Variants in IL1RAPL1 observed in about 807,000 individuals in gnomAD.
IL1RAPL1 encodes the protein interleukin 1 receptor accessory protein like 1, also known as interleukin-1 receptor accessory protein-like 1.
Under a neutral mutation model 48.4 loss-of-function variants are expected in IL1RAPL1, and 3 were observed. That is an observed-to-expected ratio of 0.06 (90% CI 0.03 to 0.16). The LOEUF is 0.16. Among genes scored for constraint, IL1RAPL1 ranks in the 10% least tolerant of loss-of-function variants. IL1RAPL1 has a pLI of 1.00. For missense variants in IL1RAPL1, 349 were observed against 530.6 expected, an observed-to-expected ratio of 0.66 and a Z score of 3.36; for synonymous variants, 185 against 187.7, an observed-to-expected ratio of 0.99 and a Z score of 0.12.
intron 6 of IL1RAPL1, among the ~76,000 whole-genome samples, chrX:29,781,961 T>C (rs911179386): frequency 9.0e-6 from 1 of 111,614 alleles, no homozygotes; most frequent in Admixed American, 9.5e-5. Flanking sequence ...CTGGCACCTA[T>C]TGGCATTCAG....
chrX:29,700,803 A>C (rs1447686438), intron 6 of IL1RAPL1, among the ~76,000 whole-genome samples: 3 of 112,076 alleles, frequency 2.7e-5, no homozygotes, highest in African/African-American at 9.7e-5. Context: ...TTACCATTTA[A>C]AAACTGTCCA....
chrX:29,343,039 G>T (rs146954118), intron 3 of IL1RAPL1, among the ~76,000 whole-genome samples: 4 of 112,122 alleles, frequency 3.6e-5, no homozygotes, highest in Admixed American at 9.5e-5. Context: ...TCTCATCAGT[G>T]CCTAGTGGAG....
intron 2 of IL1RAPL1, among the ~76,000 whole-genome samples, chrX:28,819,967 G>GAGATAT (rs1234558581): frequency 3.7e-5 from 1 of 26,735 alleles, no homozygotes; most frequent in African/African-American, 8.4e-5. Flanking sequence ...TAAACATAGT[G>GAGATAT]ATATATATAT....
At chrX:29,076,802 G>GTCTATCTA (rs59044267) in intron 2 of IL1RAPL1, among the ~76,000 whole-genome samples, 117 of 97,268 alleles carry the variant, frequency 1.2e-3, no homozygotes, top group African/African-American at 2.7e-3. Context: ...CTGTCTGTCT[G>GTCTATCTA]TCTATCTATC....
intron 2 of IL1RAPL1, among the ~76,000 whole-genome samples, chrX:29,012,690 A>G (rs144009980): frequency 7.9e-4 from 89 of 112,273 alleles, no homozygotes; most frequent in East Asian, 5.1e-3. Context: ...GAGACAATGG[A>G]GAAGATGATG....
chrX:29,650,568 GCC>G (rs1297891323), intron 5 of IL1RAPL1, among the ~76,000 whole-genome samples: 2 of 110,132 alleles, frequency 1.8e-5, no homozygotes, highest in Non-Finnish European at 3.8e-5. Context: ...AAACTGGATA[GCC>G]ACATGCAGAA....
chrX:28,917,922 G>T (rs897251706), intron 2 of IL1RAPL1, among the ~76,000 whole-genome samples: 2 of 111,862 alleles, frequency 1.8e-5, no homozygotes, highest in African/African-American at 6.5e-5. Flanking sequence ...TCTCTTCTGA[G>T]TTTGTTAATG....
chrX:29,119,800 G>A (rs1041132216), intron 2 of IL1RAPL1, among the ~76,000 whole-genome samples: 6 of 111,130 alleles, frequency 5.4e-5, no homozygotes, highest in African/African-American at 2.0e-4. Context: ...AATCCCTGGT[G>A]CATCCATCAA....
At chrX:28,597,986 C>G (rs1933975713) in intron 1 of IL1RAPL1, among the ~76,000 whole-genome samples, 1 of 110,387 alleles carries the variant, frequency 9.1e-6, no homozygotes, top group African/African-American at 3.3e-5. Context: ...GTGATGGCAA[C>G]AGCAAAGTGA....
intron 5 of IL1RAPL1, among the ~76,000 whole-genome samples, chrX:29,431,803 G>T (rs1279218365): frequency 8.1e-5 from 9 of 111,106 alleles, no homozygotes; most frequent in Non-Finnish European, 1.7e-4. Context: ...TTCCTAATAA[G>T]AAATATTATG....
intron 2 of IL1RAPL1, among the ~76,000 whole-genome samples, chrX:29,114,250 TTTTC>T (rs762376201): frequency 7.8e-4 from 87 of 112,083 alleles, no homozygotes; most frequent in Non-Finnish European, 1.5e-3. Context: ...GAGGCTGCTG[TTTTC>T]TTTAAGAGGA....
intron 2 of IL1RAPL1, among the ~76,000 whole-genome samples, chrX:29,220,634 A>G (rs1360143310): frequency 8.9e-6 from 1 of 112,306 alleles, no homozygotes; most frequent in East Asian, 2.8e-4. Flanking sequence ...GATTCTGAGT[A>G]TTAAACAGCT....
intron 5 of IL1RAPL1, among the ~76,000 whole-genome samples, chrX:29,443,380 C>CT (rs1215714718): frequency 1.8e-5 from 2 of 111,045 alleles, no homozygotes; most frequent in African/African-American, 6.6e-5. Flanking sequence ...TTTTACAAAA[C>CT]TTTTTTCTCC....
chrX:29,666,726 A>G (rs1039831440), intron 5 of IL1RAPL1, among the ~76,000 whole-genome samples: 2 of 110,819 alleles, frequency 1.8e-5, no homozygotes, highest in African/African-American at 6.6e-5. Context: ...CTGCAAACTA[A>G]TGTGGTATGC....
intron 2 of IL1RAPL1, among the ~76,000 whole-genome samples, chrX:28,870,841 A>C (rs769849200): frequency 9.0e-6 from 1 of 111,536 alleles, no homozygotes; most frequent in Non-Finnish European, 1.9e-5. Context: ...AAAATATTGT[A>C]ATTTACTGTG....
intron 2 of IL1RAPL1, among the ~76,000 whole-genome samples, chrX:29,178,813 T>G (rs963604363): frequency 8.0e-5 from 9 of 112,144 alleles, no homozygotes; most frequent in African/African-American, 2.9e-4. Context: ...TTTCTACATA[T>G]GGCTAGCCAG....
chrX:29,860,433 C>T (rs1931556066), intron 6 of IL1RAPL1, among the ~76,000 whole-genome samples: 1 of 110,997 alleles, frequency 9.0e-6, no homozygotes, highest in Non-Finnish European at 1.9e-5. Flanking sequence ...CATAGGTATA[C>T]ACGTGCTGTG....
chrX:28,800,825 G>A (rs995772576), intron 2 of IL1RAPL1, among the ~76,000 whole-genome samples: 6 of 108,660 alleles, frequency 5.5e-5, no homozygotes, highest in African/African-American at 2.0e-4. Flanking sequence ...GTATATTAAA[G>A]GGCCTTTGCA....
At position 28,779,410 on chromosome X, in the gene IL1RAPL1, C is replaced by G. The variant is rs760185852; in HGVS notation, c.-24-9910C>G. Reference sequence around the variant, plus strand: ...TATGCACCTTTGCAGTTCCACTGATCTCTTGTTTAGCAGCCTTGACAGTGT... The same window carrying G: ...TATGCACCTTTGCAGTTCCACTGATGTCTTGTTTAGCAGCCTTGACAGTGT... On this transcript the variant is annotated intron_variant, in intron 1 of 10. Coordinates refer to ENST00000378993, the MANE Select transcript of IL1RAPL1 (RefSeq NM_014271.4). 1.0e-4 allele frequency among the ~76,000 whole-genome samples: 11 copies of G among 108,153 alleles called. No homozygotes were observed. In the South Asian group the frequency reaches 4.4e-3, roughly 43 times the overall value. 93.9% of individuals were successfully genotyped at this position (108,153 alleles called of 115,157 possible).
Sources: gnomAD v4.1 joint callset for allele counts (sites outside exome capture counted in the v4.1 genomes callset) on GRCh38, gnomAD v4.1.1 for gene constraint, MANE v1.5 for transcripts, NCBI Gene and HGNC (gene_info 2026-07-23, HGNC 2026-07-21) for gene names.